SKAP1: variants seen among roughly 807,000 people sequenced by gnomAD.
SKAP1 encodes src kinase-associated phosphoprotein 1.
In SKAP1, 44 loss-of-function variants were observed where a neutral mutation model predicts 58.5. The ratio of observed to expected loss-of-function variants is 0.75; its 90% CI spans 0.59 to 0.97. The LOEUF (loss-of-function observed/expected upper bound fraction) is 0.97, where lower values mean the gene tolerates loss of function less well. Among genes scored for constraint, SKAP1 ranks in the 50% least tolerant of loss-of-function variants. SKAP1 has a pLI of 0.00. For synonymous variants in SKAP1, 127 were observed against 149.7 expected, an observed-to-expected ratio of 0.85 and a Z score of 1.11; for missense variants, 390 against 435.2, an observed-to-expected ratio of 0.90 and a Z score of 0.92.
At chr17:48,290,096 T>G (rs765801650) in intron 4 of SKAP1, among the ~76,000 whole-genome samples, 5 of 152,168 alleles carry the variant, frequency 3.3e-5, no homozygotes, top group Admixed American at 3.3e-4. Flanking sequence ...ACATTCTCTA[T>G]TTTAGATACT....
chr17:48,234,289 T>A (rs1015724772), intron 4 of SKAP1, among the ~76,000 whole-genome samples: 4 of 152,242 alleles, frequency 2.6e-5, no homozygotes, highest in African/African-American at 9.6e-5. Context: ...CAGACTACTT[T>A]AATTAGAGTC....
intron 4 of SKAP1, among the ~76,000 whole-genome samples, chr17:48,229,346 C>T (rs560964777): frequency 4.9e-4 from 74 of 152,080 alleles, no homozygotes; most frequent in Non-Finnish European, 9.1e-4. Context: ...GCGGGCCTGG[C>T]GTGGTGGCTC....
chr17:48,417,809 G>A (rs986868615), intron 1 of SKAP1, among the ~76,000 whole-genome samples: 4 of 151,558 alleles, frequency 2.6e-5, no homozygotes, highest in African/African-American at 9.7e-5. Context: ...AGATAAAGAT[G>A]TTTTCTACAG....
intron 4 of SKAP1, chr17:48,204,109 G>A (rs1298426393): frequency 3.3e-5 from 5 of 149,322 alleles, no homozygotes; most frequent in Admixed American, 6.7e-5. Flanking sequence ...TTGAGACAGA[G>A]TTTCACTCTT....
intron 4 of SKAP1, among the ~76,000 whole-genome samples, chr17:48,328,829 T>C (rs2066469733): frequency 6.6e-6 from 1 of 152,166 alleles, no homozygotes; most frequent in South Asian, 2.1e-4. Context: ...TGAGCCTTCC[T>C]TTCTACTTTC....
intron 4 of SKAP1, among the ~76,000 whole-genome samples, chr17:48,315,395 A>C (rs548423445): frequency 6.6e-6 from 1 of 152,322 alleles, no homozygotes; most frequent in South Asian, 2.1e-4. Flanking sequence ...GGCAATGAAG[A>C]ACCACTGCTA....
At chr17:48,189,695 CAG>C (rs2064511129) in intron 4 of SKAP1, among the ~76,000 whole-genome samples, 195 bp from the exon 5 acceptor site, 1 of 149,162 alleles carries the variant, frequency 6.7e-6, no homozygotes, top group Non-Finnish European at 1.5e-5. Context: ...TTTTTTGAGA[CAG>C]AGTCTTGGTC....
intron 1 of SKAP1, among the ~76,000 whole-genome samples, chr17:48,425,189 C>T (rs909733479): frequency 1.3e-5 from 2 of 152,062 alleles, no homozygotes; most frequent in Admixed American, 1.3e-4. Context: ...ACCTGGGAGG[C>T]GGGGGTTGTG....
intron 9 of SKAP1, among the ~76,000 whole-genome samples, chr17:48,174,087 A>G (rs1409596465): frequency 1.3e-5 from 2 of 152,206 alleles, no homozygotes; most frequent in Non-Finnish European, 2.9e-5. Context: ...AATGTGTTCT[A>G]TGCAGTTCAG....
chr17:48,368,363 T>G (rs2067037171), intron 2 of SKAP1, among the ~76,000 whole-genome samples: 2 of 152,230 alleles, frequency 1.3e-5, no homozygotes, highest in Non-Finnish European at 2.9e-5. Context: ...TTACCCTTTT[T>G]CTGAAAACAA....
Position 48,383,879 on chromosome 17 carries a change from C to G in SKAP1, c.152+12801G>C, listed in dbSNP as rs1311488306. On this transcript the variant is annotated intron_variant, in intron 2 of 12. Coordinates refer to ENST00000336915, the MANE Select transcript of SKAP1 (RefSeq NM_003726.4). ...TTACAGGCGCCCGCCATCATCATGC[C>G]CGGCTAATTTTTTTGTATTTTTTTT... 2.6e-5 allele frequency among the ~76,000 whole-genome samples: 4 copies of G among 151,912 alleles called. No homozygotes were observed. The East Asian group carries it at 7.7e-4, about 29-fold the overall frequency.
chr17:48,327,128 T>C (rs528880086), intron 4 of SKAP1, among the ~76,000 whole-genome samples: 6 of 152,250 alleles, frequency 3.9e-5, no homozygotes, highest in African/African-American at 1.2e-4. Flanking sequence ...TGATATCAGG[T>C]GATCTGTCCG....
chr17:48,228,652 T>A (rs2065095522), intron 4 of SKAP1, among the ~76,000 whole-genome samples: 1 of 152,248 alleles, frequency 6.6e-6, no homozygotes, highest in African/African-American at 2.4e-5. Flanking sequence ...CATTCAGGTT[T>A]CAAAACAACC....
At chr17:48,307,850 T>C (rs1443157563) in intron 4 of SKAP1, 1 of 152,222 alleles carries the variant, frequency 6.6e-6, no homozygotes, top group Non-Finnish European at 1.5e-5. Flanking sequence ...AGTGTTATTG[T>C]AGTTATAGAT....
intron 4 of SKAP1, among the ~76,000 whole-genome samples, chr17:48,259,224 C>T (rs778164394): frequency 5.9e-5 from 9 of 151,786 alleles, no homozygotes; most frequent in Non-Finnish European, 1.3e-4. Flanking sequence ...GCAGAGGATT[C>T]GCAATAAAAT....
intron 4 of SKAP1, among the ~76,000 whole-genome samples, chr17:48,338,972 G>GT (rs1380859427): frequency 6.6e-6 from 1 of 152,152 alleles, no homozygotes; most frequent in Non-Finnish European, 1.5e-5. Context: ...CCTTATCACA[G>GT]TAAACTCAAC....
At chr17:48,147,924 G>A (rs2063851433) in intron 11 of SKAP1, among the ~76,000 whole-genome samples, 1 of 149,918 alleles carries the variant, frequency 6.7e-6, no homozygotes, top group Admixed American at 6.7e-5. Context: ...GTATGCAAGT[G>A]TGAGAAGGGG....
intron 1 of SKAP1, among the ~76,000 whole-genome samples, chr17:48,417,694 G>A (rs909589207): frequency 4.7e-5 from 7 of 150,368 alleles, no homozygotes; most frequent in South Asian, 2.1e-4. Context: ...GCAGTGAGCT[G>A]AGATTGTGCC....
intron 1 of SKAP1, among the ~76,000 whole-genome samples, chr17:48,409,962 A>C (rs55912545): frequency 0.081 from 12,329 of 152,202 alleles, 636 homozygotes; most frequent in East Asian, 0.2. Context: ...AAATCTAAGA[A>C]ATAAATTCAC....
Sources: gnomAD v4.1 joint callset for allele counts (sites outside exome capture counted in the v4.1 genomes callset) on GRCh38, gnomAD v4.1.1 for gene constraint, MANE v1.5 for transcripts, NCBI Gene and HGNC (gene_info 2026-07-23, HGNC 2026-07-21) for gene names.